MUC5B: variants seen among roughly 807,000 people sequenced by gnomAD.
The protein encoded by MUC5B is mucin-5B.
Under a neutral mutation model 376.9 loss-of-function variants are expected in MUC5B, and 116 were observed. That is an observed-to-expected ratio of 0.31 (90% CI 0.26 to 0.36). The LOEUF (loss-of-function observed/expected upper bound fraction) is 0.36, where lower values mean the gene tolerates loss of function less well. Ranked by LOEUF, MUC5B falls within the 10% of genes least tolerant of loss-of-function variation. The pLI is 1.00. For synonymous variants in MUC5B, 3,517 were observed against 3,390.9 expected, an observed-to-expected ratio of 1.04 and a Z score of -1.29; for missense variants, 7,165 against 7,769.9, an observed-to-expected ratio of 0.92 and a Z score of 2.93.
Position 1,246,708 on chromosome 11 carries a change from C to T in MUC5B, c.9828C>T (p.Thr3276=), listed in dbSNP as rs369792193. The T allele has an allele frequency of 4.3e-6, 7 of 1,610,194 alleles. No homozygotes were observed. In the African/African-American group the frequency reaches 8.0e-5, roughly 19 times the overall value. ...TPSSTPETVH[T]STVLTTTTTT... is the part of the protein sequence containing the mutation. ...CCTCTACTCCAGAGACTGTCCACAC[C>T]TCCACAGTGCTTACCACCACGACCA... Residue 3276 remains threonine, a synonymous_variant, in exon 31 of 49, where the codon ACC becomes ACT. Transcript: ENST00000529681.
rs757522557 is a variant in MUC5B at position 1,244,730 on chromosome 11, C to T, written c.7850C>T (p.Thr2617Ile). 3 of 1,609,820 alleles carry T rather than the reference C, an allele frequency of 1.9e-6. No individual in the cohort carries two copies. Among genetic ancestry groups the T allele is most frequent in the South Asian group, 1.1e-5 (1 of 90,894 alleles). Residue 2617 changes from threonine (T) to isoleucine (I), a missense_variant, in exon 31 of 49, where the codon ACA (threonine) becomes ATA (isoleucine). This residue lies in a region of MUC5B where 141 missense variants were observed against 111.2 expected (regional missense o/e 1.27). Coordinates refer to ENST00000529681, the MANE Select transcript of MUC5B (RefSeq NM_002458.3). Reference protein sequence around the residue: ...KVLTTTTTGFTATPSSSPGTA... With the variant: ...KVLTTTTTGFIATPSSSPGTA... ...CTGACTACCACAACCACGGGCTTCA[C>T]AGCCACCCCCTCCTCCAGCCCAGGG...
At position 1,248,992 on chromosome 11, in the gene MUC5B, A is replaced by G; in HGVS notation, c.12112A>G (p.Thr4038Ala). Residue 4038 changes from threonine to alanine, a missense_variant, in exon 31 of 49, where the codon ACC becomes GCC. Physicochemically the swap from Thr to Ala is moderately conservative, Grantham distance 58 (BLOSUM62 0). Around this residue, in one of 31 missense-constraint regions of MUC5B, gnomAD observed 47 missense variants for 98.5 expected, o/e 0.48. Transcript: ENST00000529681. ...WTSATSGTLG[T>A]THITEPSTGT... The stretch of plus-strand genomic sequence containing the variant: ...TTCGGCCACCTCAGGCACCTTGGGC[A>G]CCACCCACATCACAGAGCCTTCCAC... 5 of 1,607,752 alleles carry G rather than the reference A, an allele frequency of 3.1e-6. No homozygotes were observed. Among genetic ancestry groups the G allele is most frequent in the Non-Finnish European group, 4.2e-6 (5 of 1,178,102 alleles).
At position 1,247,957 on chromosome 11, in the gene MUC5B, C is replaced by T. The variant is rs1564945898; in HGVS notation, c.11077C>T (p.Leu3693Phe). The T allele has an allele frequency of 4.3e-6, 7 of 1,611,034 alleles. No homozygotes were observed. Among genetic ancestry groups the T allele is most frequent in the Non-Finnish European group, 5.9e-6 (7 of 1,178,022 alleles). Reference sequence around the variant, plus strand: ...CTCAACTCCGGGGACGACCTGGATCCTCACAAAGCTGACCACAACAGCCAC... The same window carrying T: ...CTCAACTCCGGGGACGACCTGGATCTTCACAAAGCTGACCACAACAGCCAC... ...PSSTPGTTWI[L>F]TKLTTTATTT... Residue 3693 changes from leucine (L) to phenylalanine (F), a missense_variant, in exon 31 of 49, where the codon CTC becomes TTC. Physicochemically the swap from Leu to Phe is conservative, Grantham distance 22 (BLOSUM62 0). This residue lies in a region of MUC5B where 90 missense variants were observed against 71.1 expected (regional missense o/e 1.27). Transcript: ENST00000529681.
Position 1,241,027 on chromosome 11 carries a change from G to A in MUC5B, c.4147G>A (p.Ala1383Thr). 1 of 1,612,694 alleles carries A rather than the reference G, an allele frequency of 6.2e-7. No homozygotes were observed. The highest frequency in any genetic ancestry group is 1.1e-5 in the South Asian group (1 of 91,086). The change falls in exon 31 of 49, where the codon GCG (alanine) becomes ACG (threonine). Residue 1383 changes from alanine to threonine, a missense_variant. By Grantham distance (58) the Ala-to-Thr change is moderately conservative. Transcript: ENST00000529681. The stretch of plus-strand genomic sequence containing the variant: ...GCTGGCTGACATCGAGTGCCGGGCG[G>A]CGCAGCTTCCCGACATGCCGCTGGA... ...PVLADIECRA[A>T]QLPDMPLEEL...
chr11:1,231,104 C>A, intron 13 of MUC5B, 99 bp downstream of exon 13: 1 of 1,264,156 alleles, frequency 7.9e-7, no homozygotes, highest in Non-Finnish European at 1.1e-6. Context: ...GCTAGTTCTC[C>A]GTGGCCTCGG....
Position 1,243,523 on chromosome 11 carries a change from A to G in MUC5B, c.6643A>G (p.Thr2215Ala). Reference sequence around the variant, plus strand: ...TCCCCACACGGTGCGCACAGCCTGGACTTCGGCCACCTCGGGCATCTTGGG... The same window carrying G: ...TCCCCACACGGTGCGCACAGCCTGGGCTTCGGCCACCTCGGGCATCTTGGG... ...SSPHTVRTAW[T>A]SATSGILGTT... is the part of the protein sequence containing the mutation. The change falls in exon 31 of 49, where the codon ACT becomes GCT. Residue 2215 changes from threonine to alanine, a missense_variant. Thr to Ala is a moderately conservative substitution (Grantham distance 58). This residue lies in a region of MUC5B where 67 missense variants were observed against 103.0 expected (regional missense o/e 0.65). Coordinates refer to ENST00000529681, the MANE Select transcript of MUC5B (RefSeq NM_002458.3). The G allele has an allele frequency of 6.2e-7, 1 of 1,602,418 alleles. No homozygotes were observed. Among genetic ancestry groups the G allele is most frequent in the Non-Finnish European group, 8.5e-7 (1 of 1,176,034 alleles).
chr11:1,240,485 G>A, intron 30 of MUC5B, 110 bp downstream of exon 30: 1 of 1,043,728 alleles, frequency 9.6e-7, no homozygotes, highest in South Asian at 1.6e-5. Flanking sequence ...CCAATCCACT[G>A]ACCTTCCGGG....
At chr11:1,231,943 G>A (rs1862037524) in intron 14 of MUC5B, 53 bp from the exon 15 acceptor site, 3 of 1,608,206 alleles carry the variant, frequency 1.9e-6, no homozygotes, top group East Asian at 2.2e-5. Flanking sequence ...CAGGGGCCAG[G>A]AGCCAGGTGG....
At position 1,235,112 on chromosome 11, in the gene MUC5B, C is replaced by T. The variant is rs769335872; in HGVS notation, c.2658C>T (p.Cys886=). 3.1e-6 allele frequency: 5 copies of T among 1,611,776 alleles called. No individual in the cohort carries two copies. In the Admixed American group the frequency reaches 6.7e-5, roughly 22 times the overall value. The change falls in exon 22 of 49, where the codon TGC becomes TGT. Residue 886 remains cysteine, a synonymous_variant. Transcript: ENST00000529681. The part of the protein sequence containing the change: ...TCTCRNRRWE[C]SHRLCLGTCV... The stretch of plus-strand genomic sequence containing the variant: ...CCTGCAGGAACCGGAGGTGGGAGTG[C>T]AGCCACCGGCTCTGCCTGGGCACCT...
At position 1,244,273 on chromosome 11, in the gene MUC5B, C is replaced by T. The variant is rs752607776; in HGVS notation, c.7393C>T (p.Leu2465Phe). The T allele has an allele frequency of 2.2e-5, 36 of 1,607,260 alleles. No homozygotes were observed. Among genetic ancestry groups the T allele is most frequent in the Admixed American group, 1.2e-4 (7 of 59,582 alleles). ...PSSTPGTTWI[L>F]TEPSTTATVT... is the part of the protein sequence containing the mutation. ...CTCCACCCCAGGGACCACCTGGATC[C>T]TCACAGAGCCGAGCACTACAGCCAC... Residue 2465 changes from leucine (L) to phenylalanine (F), a missense_variant, in exon 31 of 49, where the codon CTC becomes TTC. By Grantham distance (22) the Leu-to-Phe change is conservative (BLOSUM62 0). Transcript: ENST00000529681.
In MUC5B at chr11:1,246,753, C is replaced by T. The variant is rs778702070; in HGVS notation, c.9873C>T (p.Gly3291=). Residue 3291 remains glycine, a synonymous_variant, in exon 31 of 49, where the codon GGC becomes GGT. Coordinates refer to ENST00000529681, the MANE Select transcript of MUC5B (RefSeq NM_002458.3). ...TTTTTTTRAT[G]SVATPSSTPG... is the part of the protein sequence containing the mutation. ...CGACCACCACAACCAGGGCCACCGG[C>T]TCTGTGGCCACCCCCTCCTCCACCC... is the stretch of plus-strand genomic sequence containing the variant. The T allele has an allele frequency of 3.7e-5, 59 of 1,609,644 alleles. 1 individual carries two copies. The African/African-American group carries it at 4.7e-4, about 13-fold the overall frequency.
chr11:1,230,402 C>A (rs2133809885), intron 11 of MUC5B, 88 bp from the exon 12 acceptor site: 1 of 1,295,812 alleles, frequency 7.7e-7, no homozygotes. Context: ...AGAGCCACAT[C>A]CCCCACATGG....
rs1477744565 is a variant in MUC5B, at chr11:1,243,814, A to G, written c.6934A>G (p.Met2312Val). The G allele has an allele frequency of 1.2e-6, 2 of 1,611,584 alleles. No individual in the cohort carries two copies. Among genetic ancestry groups the G allele is most frequent in the Non-Finnish European group, 1.7e-6 (2 of 1,179,618 alleles). Residue 2312 changes from methionine to valine, a missense_variant, in exon 31 of 49, where the codon ATG becomes GTG. Transcript: ENST00000529681. Reference sequence around the variant, plus strand: ...GGCCCCCATAACCACGGTGGTGACCATGGGCTGTGAGCCCCAGTGTGCCTG... The same window carrying G: ...GGCCCCCATAACCACGGTGGTGACCGTGGGCTGTGAGCCCCAGTGTGCCTG... ...TSAPITTVVT[M>V]GCEPQCAWSE...
In MUC5B at chr11:1,246,088, C is replaced by A. The variant is rs1441063255; in HGVS notation, c.9208C>A (p.Pro3070Thr). ...CACAGCTACCAGCTTTACACCCATC[C>A]CCTCCTTCACCCTTGGGACCACCGG... ...KSTATSFTPI[P>T]SFTLGTTGTL... The change falls in exon 31 of 49, where the codon CCC becomes ACC. Residue 3070 changes from proline to threonine, a missense_variant. By Grantham distance (38) the Pro-to-Thr change is conservative (BLOSUM62 -1). Around this residue, in one of 31 missense-constraint regions of MUC5B, gnomAD observed 939 missense variants for 770.6 expected, o/e 1.22. Coordinates refer to ENST00000529681, the MANE Select transcript of MUC5B (RefSeq NM_002458.3). 6.2e-7 allele frequency: 1 copy of A among 1,612,822 alleles called. No homozygotes were observed. The highest frequency in any genetic ancestry group is 1.1e-5 in the South Asian group (1 of 91,026).
At chr11:1,254,442 A>G in intron 34 of MUC5B, 91 bp downstream of exon 34, 1 of 1,520,458 alleles carries the variant, frequency 6.6e-7, no homozygotes, top group Middle Eastern at 1.9e-4. Flanking sequence ...CAGGTGCCGC[A>G]GCGATGGCCC....
At chr11:1,238,043 C>T (rs528907527) in intron 25 of MUC5B, among the ~76,000 whole-genome samples, 40 of 152,192 alleles carry the variant, frequency 2.6e-4, no homozygotes, top group Non-Finnish European at 5.1e-4. Context: ...TGTCGGCCGC[C>T]GCTTGCCCTC....
At chr11:1,238,083 G>A (rs1352814965) in intron 25 of MUC5B, among the ~76,000 whole-genome samples, 1 of 152,192 alleles carries the variant, frequency 6.6e-6, no homozygotes, top group Admixed American at 6.5e-5. Context: ...CCCCTTGGAA[G>A]GTCCTGTGGC....
Position 1,229,268 on chromosome 11 carries a change from T to G in MUC5B, c.1075T>G (p.Cys359Gly). The G allele has an allele frequency of 6.3e-7, 1 of 1,585,264 alleles. No homozygotes were observed. ...GCGCGCGCAGCTCTGCGAGGACCACTGTGTGGACGGCTGCTTCTGCCCCCC... is the reference window on the plus strand; with the variant it reads ...GCGCGCGCAGCTCTGCGAGGACCACGGTGTGGACGGCTGCTTCTGCCCCCC... ...PQRAQLCEDH[C>G]VDGCFCPPGT... is the part of the protein sequence containing the mutation. Residue 359 changes from cysteine to glycine, a missense_variant, in exon 9 of 49, where the codon TGT (cysteine) becomes GGT (glycine). Transcript: ENST00000529681.
chr11:1,241,602 G>T lies in MUC5B; in HGVS notation c.4722G>T (p.Leu1574=), dbSNP rs751785238. Residue 1574 remains leucine, a synonymous_variant, in exon 31 of 49, where the codon CTG becomes CTT. Transcript: ENST00000529681. The stretch of plus-strand genomic sequence containing the variant: ...TGCACTGTGACGTCCACTTCGGCCT[G>T]GTGTGCAGGAACTGGGAGCAGGAGG... The part of the protein sequence containing the change: ...QKVHCDVHFG[L]VCRNWEQEGV... 1 of 1,612,380 alleles carries T rather than the reference G, an allele frequency of 6.2e-7. No homozygotes were observed. The highest frequency in any genetic ancestry group is 1.1e-5 in the South Asian group (1 of 90,980).
Sources: allele counts gnomAD v4.1 joint callset (sites outside exome capture counted in the v4.1 genomes callset), GRCh38; gene constraint gnomAD v4.1.1; regional missense constraint gnomAD v4.1.1; transcripts MANE v1.5; gene names NCBI Gene and HGNC (gene_info 2026-07-23, HGNC 2026-07-21).